The following FHIT variants were observed in gnomAD, a reference collection of about 807,000 sequenced individuals.
The protein encoded by FHIT is fragile histidine triad diadenosine triphosphatase.
FHIT carries 19 observed loss-of-function variants against 17.9 expected under a neutral mutation model. That is an observed-to-expected ratio of 1.06 (90% CI 0.74 to 1.56). The LOEUF (loss-of-function observed/expected upper bound fraction) is 1.56. Ranked by LOEUF, FHIT falls within the 40% of genes most tolerant of loss-of-function variation. The probability of loss-of-function intolerance (pLI) is 0.00; values close to 1 mark genes in which losing one functional copy is unlikely to be tolerated. For synonymous variants in FHIT, 81 were observed against 69.7 expected, an observed-to-expected ratio of 1.16 and a Z score of -0.81; for missense variants, 248 against 189.2, an observed-to-expected ratio of 1.31 and a Z score of -1.82.
chr3:60,100,520 T>C (rs947347963), intron 5 of FHIT, among the ~76,000 whole-genome samples: 2 of 152,156 alleles, frequency 1.3e-5, no homozygotes, highest in African/African-American at 2.4e-5. Context: ...AAATCCTAAG[T>C]TGTTTCCACC....
Position 60,663,717 on chromosome 3 carries a change from C to G in FHIT, c.-17-126738G>C, listed in dbSNP as rs549473911. On this transcript the variant is annotated intron_variant, in intron 4 of 9. Transcript: ENST00000492590. ...TACAGGCATGAGCCACTGCACCCGG[C>G]CTCTGTACCTGTTTTATTAAGTGTA... Among the ~76,000 whole-genome samples the G allele has an allele frequency of 1.2e-4, 18 of 152,218 alleles. No individual in the cohort carries two copies. In the East Asian group the frequency reaches 3.3e-3, roughly 28 times the overall value.
At chr3:60,258,429 G>A (rs1173300147) in intron 5 of FHIT, among the ~76,000 whole-genome samples, 1 of 152,058 alleles carries the variant, frequency 6.6e-6, no homozygotes, top group Non-Finnish European at 1.5e-5. Flanking sequence ...TGCTCTCCCT[G>A]TAGCAGTATC....
chr3:60,451,314 A>T (rs574511778), intron 5 of FHIT, among the ~76,000 whole-genome samples: 2 of 152,086 alleles, frequency 1.3e-5, no homozygotes, highest in Non-Finnish European at 2.9e-5. Flanking sequence ...GCCCACCTCC[A>T]GCCTTCCTGG....
At chr3:60,109,794 A>C (rs1704591816) in intron 5 of FHIT, among the ~76,000 whole-genome samples, 1 of 152,268 alleles carries the variant, frequency 6.6e-6, no homozygotes, top group South Asian at 2.1e-4. Context: ...CTGCAGGTGA[A>C]GTTCTTCTTT....
At chr3:61,037,675 T>C (rs1209361874) in intron 3 of FHIT, among the ~76,000 whole-genome samples, 1 of 152,166 alleles carries the variant, frequency 6.6e-6, no homozygotes, top group Non-Finnish European at 1.5e-5. Flanking sequence ...GGGTTAGTTA[T>C]CACCAGAATG....
At chr3:60,972,486 CT>C (rs1292795990) in intron 3 of FHIT, among the ~76,000 whole-genome samples, 1 of 149,882 alleles carries the variant, frequency 6.7e-6, no homozygotes, top group African/African-American at 2.4e-5. Context: ...CCTTTGGATG[CT>C]TTTAAGATGC....
At chr3:60,333,039 G>C (rs1710062820) in intron 5 of FHIT, among the ~76,000 whole-genome samples, 1 of 152,164 alleles carries the variant, frequency 6.6e-6, no homozygotes, top group East Asian at 1.9e-4. Flanking sequence ...CAAGGAACAA[G>C]CTAATAAACT....
chr3:60,049,309 G>C (rs1466327895), intron 5 of FHIT, among the ~76,000 whole-genome samples: 1 of 152,150 alleles, frequency 6.6e-6, no homozygotes, highest in African/African-American at 2.4e-5. Context: ...GTAGCCACTA[G>C]CCACATGCAG....
At chr3:59,855,820 G>C (rs1017144875) in intron 8 of FHIT, among the ~76,000 whole-genome samples, 1 of 148,624 alleles carries the variant, frequency 6.7e-6, no homozygotes, top group African/African-American at 2.5e-5. Context: ...TTGCCCTGTC[G>C]CTCAGTCTGG....
At chr3:59,837,255 C>G (rs1285272989) in intron 8 of FHIT, among the ~76,000 whole-genome samples, 6 of 152,120 alleles carry the variant, frequency 3.9e-5, no homozygotes, top group Non-Finnish European at 8.8e-5. Flanking sequence ...CCAGGACCTC[C>G]CTCAGATGCC....
chr3:60,434,678 G>A (rs1009068434), intron 5 of FHIT, among the ~76,000 whole-genome samples: 1 of 152,110 alleles, frequency 6.6e-6, no homozygotes, highest in Non-Finnish European at 1.5e-5. Context: ...TGGTACTAGT[G>A]TTACCGTAGA....
intron 8 of FHIT, among the ~76,000 whole-genome samples, chr3:59,805,383 G>T (rs901562484): frequency 3.3e-5 from 5 of 152,180 alleles, no homozygotes; most frequent in Non-Finnish European, 7.4e-5. Context: ...TCAGCTAAAG[G>T]AATGTGAGAA....
chr3:60,361,471 G>A (rs1699904353), intron 5 of FHIT, among the ~76,000 whole-genome samples: 1 of 152,196 alleles, frequency 6.6e-6, no homozygotes, highest in African/African-American at 2.4e-5. Context: ...TCTTGCAGCA[G>A]TGAGTGTGTA....
At chr3:60,022,282 T>G (rs146080868) in intron 5 of FHIT, among the ~76,000 whole-genome samples, 138 of 152,302 alleles carry the variant, frequency 9.1e-4, no homozygotes, top group African/African-American at 3.2e-3. Context: ...AAGTTGAGCA[T>G]TAAAATACAT....
chr3:60,986,586 A>G (rs1710728460), intron 3 of FHIT, among the ~76,000 whole-genome samples: 1 of 152,106 alleles, frequency 6.6e-6, no homozygotes, highest in South Asian at 2.1e-4. Flanking sequence ...CCAAATTTCA[A>G]ATTTCTCTAT....
At chr3:60,103,504 GA>G (rs1294625327) in intron 5 of FHIT, among the ~76,000 whole-genome samples, 1 of 152,154 alleles carries the variant, frequency 6.6e-6, no homozygotes, top group South Asian at 2.1e-4. Flanking sequence ...TCTGGCTAGG[GA>G]AAATAATTTC....
chr3:59,754,791 T>TAATC (rs1292165180), intron 8 of FHIT, among the ~76,000 whole-genome samples: 3 of 152,192 alleles, frequency 2.0e-5, no homozygotes, highest in Admixed American at 1.3e-4. Context: ...AAACAAAAAC[T>TAATC]AATCATCTTT....
At chr3:60,597,299 A>T (rs1217891531) in intron 4 of FHIT, among the ~76,000 whole-genome samples, 1 of 152,098 alleles carries the variant, frequency 6.6e-6, no homozygotes, top group Admixed American at 6.6e-5. Context: ...TTGCTATAAA[A>T]TTGTTTTACA....
chr3:60,226,059 G>A (rs1314281473), intron 5 of FHIT, among the ~76,000 whole-genome samples: 3 of 152,150 alleles, frequency 2.0e-5, no homozygotes, highest in Admixed American at 6.5e-5. Context: ...GCCCCACAGG[G>A]AGAGAAAGGG....
Sources: allele counts gnomAD v4.1 joint callset (sites outside exome capture counted in the v4.1 genomes callset), GRCh38; gene constraint gnomAD v4.1.1; transcripts MANE v1.5; gene names NCBI Gene and HGNC (gene_info 2026-07-23, HGNC 2026-07-21).